Variants in ATP10B observed in about 807,000 individuals in gnomAD.
ATP10B encodes the protein ATPase phospholipid transporting 10B (putative).
A neutral mutation model predicts 141.2 loss-of-function variants in ATP10B; 122 were observed. The observed-to-expected ratio is 0.86, with a 90% CI of 0.75 to 1.00. The LOEUF (loss-of-function observed/expected upper bound fraction) is 1.00. Among genes scored for constraint, ATP10B ranks in the 50% least tolerant of loss-of-function variants. The probability of loss-of-function intolerance (pLI) is 0.00; values close to 1 mark genes in which losing one functional copy is unlikely to be tolerated. For synonymous variants in ATP10B, 685 were observed against 692.0 expected (o/e 0.99, Z 0.16); for missense variants, 1,876 against 1,825.3 (o/e 1.03, Z -0.51).
At chr5:160,770,369 C>T (rs907992154) in intron 2 of ATP10B, among the ~76,000 whole-genome samples, 5 of 152,044 alleles carry the variant, frequency 3.3e-5, no homozygotes, top group African/African-American at 7.2e-5. Context: ...ATGAAAAACA[C>T]GGGCCTTGGA....
chr5:160,816,451 G>A lies in ATP10B; in HGVS notation c.-575-30648C>T, dbSNP rs867679846. Among the ~76,000 whole-genome samples the A allele has an allele frequency of 6.8e-3, 1,034 of 152,108 alleles. 16 individuals are homozygous for A. Among genetic ancestry groups the A allele is most frequent in the African/African-American group, 0.024 (976 of 41,466 alleles). On this transcript the variant is annotated intron_variant, in intron 1 of 25. Transcript: ENST00000327245. ...CATACACCCTCCCATGACTAAACCA[G>A]GAAGAAGTTGAATCTCTGAATAGAC...
At chr5:160,804,501 C>T (rs1472326075) in intron 1 of ATP10B, among the ~76,000 whole-genome samples, 1 of 152,130 alleles carries the variant, frequency 6.6e-6, no homozygotes, top group Admixed American at 6.5e-5. Context: ...CTGACATTTT[C>T]CAGAGGGGGA....
At chr5:160,752,018 C>T (rs1768187191) in intron 2 of ATP10B, among the ~76,000 whole-genome samples, 2 of 152,102 alleles carry the variant, frequency 1.3e-5, no homozygotes, top group Non-Finnish European at 2.9e-5. Flanking sequence ...TTAAAGACGG[C>T]TGCGGCTGCT....
chr5:160,731,322 G>A (rs1766728552), intron 2 of ATP10B, among the ~76,000 whole-genome samples: 1 of 152,220 alleles, frequency 6.6e-6, no homozygotes, highest in South Asian at 2.1e-4. Context: ...CAGCCATGCT[G>A]TACCTAGGCT....
chr5:160,810,039 T>C (rs1335284829), intron 1 of ATP10B, among the ~76,000 whole-genome samples: 2 of 152,226 alleles, frequency 1.3e-5, no homozygotes, highest in Non-Finnish European at 2.9e-5. Context: ...ATTTTGGATC[T>C]CTTGTTAACC....
chr5:160,868,310 G>GTGGT, the ATP10B span, among the ~76,000 whole-genome samples: 1 of 152,024 alleles, frequency 6.6e-6, no homozygotes, highest in Non-Finnish European at 1.5e-5. Context: ...GAGAAAACCT[G>GTGGT]TGGTTCATTT....
At chr5:160,811,791 A>G (rs1773170960) in intron 1 of ATP10B, among the ~76,000 whole-genome samples, 2 of 152,294 alleles carry the variant, frequency 1.3e-5, no homozygotes, top group South Asian at 4.1e-4. Context: ...AAGGAAGGAT[A>G]CAAACCTGGC....
chr5:160,655,126 A>G (rs1172361736), intron 7 of ATP10B, among the ~76,000 whole-genome samples: 1 of 152,200 alleles, frequency 6.6e-6, no homozygotes. Flanking sequence ...TCTAATTTAT[A>G]GTAGAAAATA....
At chr5:160,669,918 T>TCAAAAAAAAAAAAAAA in intron 7 of ATP10B, among the ~76,000 whole-genome samples, 1 of 89,686 alleles carries the variant, frequency 1.1e-5, no homozygotes, top group East Asian at 3.8e-4. Flanking sequence ...CCCAGTCTCT[T>TCAAAAAAAAAAAAAAA]AAAAAAAAAA....
the ATP10B span, among the ~76,000 whole-genome samples, chr5:160,923,396 TTTTCTAATC>T: frequency 1.3e-5 from 2 of 152,164 alleles, no homozygotes; most frequent in Admixed American, 6.5e-5. Context: ...CCAACCTTAG[TTTTCTAATC>T]TGTAAACGAT....
intron 1 of ATP10B, among the ~76,000 whole-genome samples, chr5:160,831,647 C>A (rs924128861): frequency 1.3e-5 from 2 of 152,032 alleles, no homozygotes; most frequent in South Asian, 4.1e-4. Flanking sequence ...GAATCTACCC[C>A]ATCTCTAAGC....
chr5:160,698,531 G>A (rs1302234021), intron 3 of ATP10B, among the ~76,000 whole-genome samples: 1 of 152,160 alleles, frequency 6.6e-6, no homozygotes, highest in African/African-American at 2.4e-5. Context: ...ATTCTTTGAT[G>A]ACAGAAGAGA....
chr5:160,782,793 TAC>T (rs77615170), intron 2 of ATP10B, among the ~76,000 whole-genome samples: 6,575 of 149,332 alleles, frequency 0.044, 300 homozygotes, highest in East Asian at 0.26. Context: ...GACATGTACA[TAC>T]ACACACACAC....
At chr5:160,683,730 G>T (rs1763573580) in intron 6 of ATP10B, among the ~76,000 whole-genome samples, 1 of 152,180 alleles carries the variant, frequency 6.6e-6, no homozygotes, top group Admixed American at 6.5e-5. Context: ...GCTCTTACCT[G>T]CTAGAGACTC....
chr5:160,879,559 G>T, the ATP10B span, among the ~76,000 whole-genome samples: 2 of 151,042 alleles, frequency 1.3e-5, no homozygotes, highest in African/African-American at 4.9e-5. Flanking sequence ...AAAAACCACG[G>T]CCAGGCGCGG....
At chr5:160,849,793 A>C (rs901557531) in intron 1 of ATP10B, among the ~76,000 whole-genome samples, 2 of 152,114 alleles carry the variant, frequency 1.3e-5, no homozygotes, top group African/African-American at 2.4e-5. Context: ...ACCCAACTTC[A>C]TCTCTTAATA....
At chr5:160,793,539 G>A (rs192113338) in intron 1 of ATP10B, among the ~76,000 whole-genome samples, 1 of 152,312 alleles carries the variant, frequency 6.6e-6, no homozygotes, top group African/African-American at 2.4e-5. Flanking sequence ...TGTATGCGAT[G>A]GTAGTCCTGT....
chr5:160,735,300 A>C (rs1019008098), intron 2 of ATP10B, among the ~76,000 whole-genome samples: 1 of 152,042 alleles, frequency 6.6e-6, no homozygotes. Flanking sequence ...TAAAGAGATG[A>C]AAAAAGATGT....
intron 2 of ATP10B, among the ~76,000 whole-genome samples, chr5:160,733,452 A>C (rs1319466581): frequency 6.6e-6 from 1 of 152,190 alleles, no homozygotes; most frequent in Non-Finnish European, 1.5e-5. Flanking sequence ...CAGATTCAAG[A>C]TGTTCAATAA....
Sources: gnomAD v4.1 joint callset for allele counts (sites outside exome capture counted in the v4.1 genomes callset) on GRCh38, gnomAD v4.1.1 for gene constraint, MANE v1.5 for transcripts, NCBI Gene and HGNC (gene_info 2026-07-23, HGNC 2026-07-21) for gene names.